The following PTDSS2 variants were observed in gnomAD, a reference collection of about 807,000 sequenced individuals.
The protein encoded by PTDSS2 is PSS-2.
Under a neutral mutation model 64.7 loss-of-function variants are expected in PTDSS2, and 41 were observed. That is an observed-to-expected ratio of 0.63 (90% CI 0.49 to 0.82). The LOEUF is 0.82. Among genes scored for constraint, PTDSS2 ranks in the 40% least tolerant of loss-of-function variants. The probability of loss-of-function intolerance (pLI) is 0.00; values close to 1 mark genes in which losing one functional copy is unlikely to be tolerated. For synonymous variants in PTDSS2, 297 were observed against 277.8 expected, an observed-to-expected ratio of 1.07 and a Z score of -0.69; for missense variants, 485 against 650.0, an observed-to-expected ratio of 0.75 and a Z score of 2.76.
Position 488,186 on chromosome 11 carries a change from C to T in PTDSS2, c.622-13C>T. 3.7e-6 allele frequency: 6 copies of T among 1,600,406 alleles called. No individual in the cohort carries two copies. The highest frequency in any genetic ancestry group is 5.1e-6 in the Non-Finnish European group (6 of 1,168,496). Reference sequence around the variant, plus strand: ...CCGGCGTCCCATACTCTGGCTGACCCTGGCGCCCACAGACCCTGATGATCC... The same window carrying T: ...CCGGCGTCCCATACTCTGGCTGACCTTGGCGCCCACAGACCCTGATGATCC... On this transcript the variant is annotated splice_polypyrimidine_tract_variant and intron_variant, in intron 6 of 11. Coordinates refer to ENST00000308020, the MANE Select transcript of PTDSS2 (RefSeq NM_030783.3).
Position 476,671 on chromosome 11 carries a change from G to A in PTDSS2, c.368-2414G>A, listed in dbSNP as rs1165528583. On this transcript the variant is annotated intron_variant, in intron 3 of 11. Transcript: ENST00000308020. The surrounding 1 kb of genome is among the most constrained non-coding windows in gnomAD (Gnocchi z 4.9). ...GGAGCTCTGGCGCAGGTCACCTGGC[G>A]GGATGTGGAGCATCTGGGCCTGAAG... Among the ~76,000 whole-genome samples the A allele has an allele frequency of 3.3e-5, 5 of 152,258 alleles. No individual in the cohort carries two copies. The highest frequency in any genetic ancestry group is 3.4e-3 in the Middle Eastern group (1 of 294).
chr11:487,013 C>T lies in PTDSS2; in HGVS notation c.510C>T (p.Tyr170=). ...KLGVPLPERD[Y]GGNCLIYDPD... ...GAGTCCCACTGCCAGAGAGAGACTACGGGGGAAACTGCCTCATCTACGACC... is the reference window on the plus strand; with the variant it reads ...GAGTCCCACTGCCAGAGAGAGACTATGGGGGAAACTGCCTCATCTACGACC... Residue 170 remains tyrosine (Y), a synonymous_variant, in exon 5 of 12, where the codon TAC becomes TAT. Transcript: ENST00000308020. 12 of 1,613,544 alleles carry T rather than the reference C, an allele frequency of 7.4e-6. No individual in the cohort carries two copies. The highest frequency in any genetic ancestry group is 1.0e-5 in the Non-Finnish European group (12 of 1,179,952).
At position 485,466 on chromosome 11, in the gene PTDSS2, C is replaced by T. The variant is rs563754513; in HGVS notation, c.436-1473C>T. Among the ~76,000 whole-genome samples, 1,299 of 143,210 alleles carry T rather than the reference C, an allele frequency of 9.1e-3. 20 individuals carry two copies. Among genetic ancestry groups the T allele is most frequent in the African/African-American group, 0.033 (1,234 of 37,874 alleles). 94.0% of individuals were successfully genotyped at this position (143,210 alleles called of 152,430 possible). A position where few individuals can be genotyped will look rare whatever the true frequency, so the allele number is the denominator to read the frequency against. On this transcript the variant is annotated intron_variant, in intron 4 of 11. Transcript: ENST00000308020. ...TGCGCAGGCGAGTGTAAACAGTGCA[C>T]GGGTGTGTGTGCTCACTGTGCAGGC...
rs1848637298 is a variant in PTDSS2, at chr11:490,688, T to G, written c.*106T>G. ...CGTGCCCGGCCTTGCCCTCAAGGTTTTTTGCTTTTCTCCTGTGCACCTGGC... is the reference window on the plus strand; with the variant it reads ...CGTGCCCGGCCTTGCCCTCAAGGTTGTTTGCTTTTCTCCTGTGCACCTGGC... On this transcript the variant is annotated 3_prime_UTR_variant, in exon 12 of 12. Coordinates refer to ENST00000308020, the MANE Select transcript of PTDSS2 (RefSeq NM_030783.3). 3.3e-5 allele frequency: 42 copies of G among 1,283,814 alleles called. No individual in the cohort carries two copies. Among genetic ancestry groups the G allele is most frequent in the Non-Finnish European group, 4.0e-5 (38 of 951,958 alleles). 79.5% of individuals were successfully genotyped at this position (1,283,814 alleles called of 1,614,324 possible).
rs887764106 is a variant in PTDSS2 at position 479,593 on chromosome 11, C to T, written c.435+441C>T. ...AGTCAGGTCCTGCGATGCAGGCCAGCGTCTGCATGGCCGGGGCAAATCTGG... is the reference window on the plus strand; with the variant it reads ...AGTCAGGTCCTGCGATGCAGGCCAGTGTCTGCATGGCCGGGGCAAATCTGG... On this transcript the variant is annotated intron_variant, in intron 4 of 11. Transcript: ENST00000308020. This position sits in a 1 kb window ranked among gnomAD's most constrained non-coding sequence, Gnocchi z 4.2. The T allele has an allele frequency of 2.3e-5, 5 of 214,412 alleles. 1 individual carries two copies. The highest frequency in any genetic ancestry group is 1.4e-4 in the South Asian group (2 of 14,380). 13.3% of individuals were successfully genotyped at this position (214,412 alleles called of 1,614,324 possible). A position where few individuals can be genotyped will look rare whatever the true frequency, so the allele number is the denominator to read the frequency against.
chr11:472,011 G>C (rs1454383665), intron 2 of PTDSS2, among the ~76,000 whole-genome samples: 1 of 143,714 alleles, frequency 7.0e-6, no homozygotes, highest in Non-Finnish European at 1.5e-5. Context: ...GGGGTGACGC[G>C]GATGGCGGCC....
chr11:478,778 G>A (rs867777069), intron 3 of PTDSS2, among the ~76,000 whole-genome samples: 7 of 152,098 alleles, frequency 4.6e-5, no homozygotes, highest in Non-Finnish European at 8.8e-5. Context: ...CAAACTTAAC[G>A]GCGCAAGTTT....
chr11:466,399 C>CTTTTT (rs1358932438), intron 2 of PTDSS2, among the ~76,000 whole-genome samples: 11 of 145,838 alleles, frequency 7.5e-5, no homozygotes, highest in African/African-American at 2.8e-4. Flanking sequence ...AAAACTGCCA[C>CTTTTT]TCTTTTTTTT....
chr11:452,570 G>T (rs954357737), intron 1 of PTDSS2, among the ~76,000 whole-genome samples: 4 of 152,234 alleles, frequency 2.6e-5, no homozygotes, highest in African/African-American at 7.2e-5. Context: ...CTCTCCAGGA[G>T]CGGGTGCAGC....
intron 3 of PTDSS2, among the ~76,000 whole-genome samples, chr11:475,092 G>GATA (rs1564979502): frequency 1.6e-5 from 1 of 64,492 alleles, no homozygotes; most frequent in African/African-American, 7.7e-5. Context: ...GTGTTTGTGT[G>GATA]TGGGACATAT....
At chr11:466,258 G>A (rs1296774352) in intron 2 of PTDSS2, among the ~76,000 whole-genome samples, 1 of 152,098 alleles carries the variant, frequency 6.6e-6, no homozygotes, top group Admixed American at 6.5e-5. Context: ...ACAAAAGAAA[G>A]AGGTTCATCG....
chr11:458,148 A>G (rs1846682237), intron 1 of PTDSS2, among the ~76,000 whole-genome samples: 1 of 151,222 alleles, frequency 6.6e-6, no homozygotes, highest in Non-Finnish European at 1.5e-5. Flanking sequence ...CTATTTTTTC[A>G]TTAAATTGTT....
chr11:471,650 C>T (rs913998620), intron 2 of PTDSS2, among the ~76,000 whole-genome samples: 1 of 146,650 alleles, frequency 6.8e-6, no homozygotes, highest in Admixed American at 6.7e-5. Context: ...TGGGGTGACA[C>T]GCACCTGTCT....
intron 3 of PTDSS2, among the ~76,000 whole-genome samples, chr11:477,518 C>T (rs1590661031): frequency 6.6e-6 from 1 of 152,074 alleles, no homozygotes; most frequent in East Asian, 1.9e-4. Flanking sequence ...TGGTGCTGGT[C>T]GGGTGGGAAG....
Position 487,441 on chromosome 11 carries a change from C to T in PTDSS2, c.592C>T (p.Pro198Ser). 6.2e-7 allele frequency: 1 copy of T among 1,614,000 alleles called. No homozygotes were observed. Among genetic ancestry groups the T allele is most frequent in the Non-Finnish European group, 8.5e-7 (1 of 1,180,004 alleles). ...NIWDKLDGFVPAHFLGWYLKT... is the reference protein window; with the variant it reads ...NIWDKLDGFVSAHFLGWYLKT... The stretch of plus-strand genomic sequence containing the variant: ...ACAGGACAAGTTGGATGGCTTTGTT[C>T]CCGCGCACTTTCTTGGCTGGTACCT... Residue 198 changes from proline to serine, a missense_variant, in exon 6 of 12, where the codon CCC becomes TCC. Pro to Ser is a moderately conservative substitution (Grantham distance 74, BLOSUM62 -1). Coordinates refer to ENST00000308020, the MANE Select transcript of PTDSS2 (RefSeq NM_030783.3).
At chr11:464,749 T>C (rs1847065310) in intron 2 of PTDSS2, among the ~76,000 whole-genome samples, 1 of 152,224 alleles carries the variant, frequency 6.6e-6, no homozygotes, top group Non-Finnish European at 1.5e-5. Flanking sequence ...ACCAGTCCAT[T>C]ACATTTTTAT....
intron 1 of PTDSS2, among the ~76,000 whole-genome samples, chr11:454,031 G>A (rs574107774): frequency 3.9e-5 from 6 of 152,360 alleles, no homozygotes; most frequent in Non-Finnish European, 8.8e-5. Flanking sequence ...GGAGGGACAC[G>A]GAATTCTTCC....
intron 4 of PTDSS2, among the ~76,000 whole-genome samples, chr11:481,746 G>A (rs1411331042): frequency 6.6e-6 from 1 of 151,948 alleles, no homozygotes; most frequent in Non-Finnish European, 1.5e-5. Flanking sequence ...GGTGTTTTGG[G>A]GTAGACTCTT....
upstream of PTDSS2, chr11:450,160 C>T: frequency 3.3e-6 from 1 of 304,074 alleles, no homozygotes; most frequent in African/African-American, 2.2e-5. Context: ...ACCTCAGCCG[C>T]AGGGCGGTCC....
Sources: gnomAD v4.1 joint callset for allele counts (sites outside exome capture counted in the v4.1 genomes callset) on GRCh38, gnomAD v4.1.1 for gene constraint, Gnocchi (gnomAD v3.1) non-coding constraint, MANE v1.5 for transcripts, NCBI Gene and HGNC (gene_info 2026-07-23, HGNC 2026-07-21) for gene names.